NTM: variants seen among roughly 807,000 people sequenced by gnomAD.
NTM encodes the protein IgLON family member 2.
A neutral mutation model predicts 42.1 loss-of-function variants in NTM; 13 were observed. The observed-to-expected ratio is 0.31, with a 90% CI of 0.20 to 0.49. NTM has a LOEUF of 0.49. Among genes scored for constraint, NTM ranks in the 20% least tolerant of loss-of-function variants. The pLI is 0.99. For synonymous variants in NTM, 187 were observed against 179.2 expected, an observed-to-expected ratio of 1.04 and a Z score of -0.35; for missense variants, 373 against 452.8, an observed-to-expected ratio of 0.82 and a Z score of 1.60.
chr11:132,034,228 T>A (rs1267213348), intron 2 of NTM, among the ~76,000 whole-genome samples: 1 of 152,218 alleles, frequency 6.6e-6, no homozygotes, highest in African/African-American at 2.4e-5. Context: ...TTTCACAGGC[T>A]AGTGCACATA....
chr11:132,146,489 C>T lies in NTM; in HGVS notation c.375C>T (p.Thr125=). The part of the protein sequence containing the change: ...CSVQTDNHPK[T]SRVHLIVQVS... Reference sequence around the variant, plus strand: ...TGCAGACAGACAACCACCCAAAGACCTCTAGGGTCCACCTCATTGTGCAAG... The same window carrying T: ...TGCAGACAGACAACCACCCAAAGACTTCTAGGGTCCACCTCATTGTGCAAG... Residue 125 remains threonine, a synonymous_variant, in exon 3 of 9, where the codon ACC becomes ACT. Coordinates refer to ENST00000683400, the MANE Select transcript of NTM (RefSeq NM_001352005.2). This position sits in a 1 kb window ranked among gnomAD's most constrained non-coding sequence, Gnocchi z 4.5. 6.2e-7 allele frequency: 1 copy of T among 1,614,186 alleles called. No individual in the cohort carries two copies. The highest frequency in any genetic ancestry group is 8.5e-7 in the Non-Finnish European group (1 of 1,180,032).
At chr11:131,702,734 G>A (rs1409948750) in intron 1 of NTM, among the ~76,000 whole-genome samples, 5 of 152,160 alleles carry the variant, frequency 3.3e-5, no homozygotes, top group Non-Finnish European at 5.9e-5. Context: ...TTGTTGGAAT[G>A]GCTTTCTGAG....
At chr11:131,789,550 GAAGAA>G (rs1565552004) in intron 1 of NTM, among the ~76,000 whole-genome samples, 1 of 6,934 alleles carries the variant, frequency 1.4e-4, no homozygotes, top group Non-Finnish European at 2.6e-4. Context: ...AAGAAGAAAA[GAAGAA>G]GAAGAAGAAG....
At chr11:131,799,924 C>G (rs1012674137) in intron 1 of NTM, among the ~76,000 whole-genome samples, 1 of 152,106 alleles carries the variant, frequency 6.6e-6, no homozygotes, top group Admixed American at 6.5e-5. Flanking sequence ...TAAGAACTTA[C>G]CTATTTTTTC....
intron 1 of NTM, among the ~76,000 whole-genome samples, chr11:131,851,559 G>GTGTGTGTGTT (rs2045560734): frequency 6.6e-6 from 1 of 151,926 alleles, no homozygotes; most frequent in Non-Finnish European, 1.5e-5. Context: ...GTGTGTGTGT[G>GTGTGTGTGTT]TGTGTGTGTG....
intron 3 of NTM, among the ~76,000 whole-genome samples, chr11:132,187,242 T>TGC (rs2078570880): frequency 1.7e-5 from 2 of 116,830 alleles, no homozygotes; most frequent in African/African-American, 6.0e-5. Flanking sequence ...TGTGTGTGTG[T>TGC]GTGTGCGTGT....
At chr11:132,198,924 T>A (rs1048270566) in intron 3 of NTM, among the ~76,000 whole-genome samples, 1 of 152,172 alleles carries the variant, frequency 6.6e-6, no homozygotes, top group African/African-American at 2.4e-5. Context: ...AAGGCCCTAA[T>A]GGAAGACAAG....
At chr11:132,284,957 G>A (rs1277842776) in intron 4 of NTM, 1 of 152,484 alleles carries the variant, frequency 6.6e-6, no homozygotes, top group Non-Finnish European at 1.5e-5. Flanking sequence ...TCCAAGAGAG[G>A]TGGGAGCTCA....
intron 2 of NTM, among the ~76,000 whole-genome samples, chr11:132,068,521 G>A (rs1313362411): frequency 1.3e-5 from 2 of 152,322 alleles, no homozygotes; most frequent in Admixed American, 1.3e-4. Context: ...CGCTGGTAAA[G>A]ACAATCTGGG....
chr11:132,215,796 T>C (rs1356074780), intron 4 of NTM, among the ~76,000 whole-genome samples: 1 of 152,254 alleles, frequency 6.6e-6, no homozygotes, highest in African/African-American at 2.4e-5. Context: ...CACAACTGGT[T>C]TGAGATGGGC....
intron 4 of NTM, among the ~76,000 whole-genome samples, chr11:132,219,882 G>C (rs951740040): frequency 3.3e-5 from 5 of 151,980 alleles, no homozygotes; most frequent in Middle Eastern, 3.2e-3. Context: ...TTTTTTTTCT[G>C]AAAAGATTGA....
intron 1 of NTM, among the ~76,000 whole-genome samples, chr11:131,819,277 T>C (rs972543238): frequency 6.6e-6 from 1 of 152,166 alleles, no homozygotes; most frequent in Admixed American, 6.5e-5. Flanking sequence ...CGAGGGAGCA[T>C]GCCACACTAC....
chr11:131,992,869 C>G (rs975059369), intron 2 of NTM, among the ~76,000 whole-genome samples: 7 of 151,890 alleles, frequency 4.6e-5, no homozygotes, highest in African/African-American at 1.5e-4. Context: ...TTGGAAATAC[C>G]CAGAGAAAGA....
intron 1 of NTM, among the ~76,000 whole-genome samples, chr11:131,498,241 C>A (rs1036348979): frequency 3.3e-5 from 5 of 152,130 alleles, no homozygotes; most frequent in Admixed American, 6.5e-5. Flanking sequence ...CTGGCTCTAC[C>A]ACGTACTGGT....
intron 1 of NTM, among the ~76,000 whole-genome samples, chr11:131,496,350 TC>T (rs1955340361): frequency 6.6e-6 from 1 of 152,200 alleles, no homozygotes; most frequent in Non-Finnish European, 1.5e-5. Flanking sequence ...TGTGCACCTG[TC>T]CCTTGGCAGC....
chr11:131,835,662 C>T (rs888035862), intron 1 of NTM, among the ~76,000 whole-genome samples: 40 of 152,114 alleles, frequency 2.6e-4, no homozygotes, highest in African/African-American at 9.4e-4. Flanking sequence ...TACAAACACT[C>T]TGGAAAATTA....
intron 1 of NTM, chr11:131,538,460 A>C (rs1404192213): frequency 6.6e-6 from 1 of 152,100 alleles, no homozygotes; most frequent in Admixed American, 6.6e-5. Flanking sequence ...AGGAGATCCT[A>C]CTCTGTATAT....
intron 1 of NTM, chr11:131,878,080 C>T (rs1343424540): frequency 2.0e-5 from 3 of 152,110 alleles, no homozygotes; most frequent in South Asian, 2.1e-4. Context: ...GGGAGGAAAA[C>T]GTGTCCTCAT....
chr11:131,989,789 A>G (rs985448787), intron 2 of NTM, among the ~76,000 whole-genome samples: 2 of 151,998 alleles, frequency 1.3e-5, no homozygotes, highest in African/African-American at 4.8e-5. Context: ...AGCATATAGG[A>G]ATAGGTTCTA....
Sources: allele counts gnomAD v4.1 joint callset (sites outside exome capture counted in the v4.1 genomes callset), GRCh38; gene constraint gnomAD v4.1.1; non-coding constraint Gnocchi (gnomAD v3.1); transcripts MANE v1.5; gene names NCBI Gene and HGNC (gene_info 2026-07-23, HGNC 2026-07-21).